TACR1: variants seen among roughly 807,000 people sequenced by gnomAD.
TACR1 encodes the protein substance-P receptor.
A neutral mutation model predicts 35.8 loss-of-function variants in TACR1; 25 were observed. That is an observed-to-expected ratio of 0.70 (90% CI 0.51 to 0.98). TACR1 has a LOEUF of 0.98. Among genes scored for constraint, TACR1 ranks in the 50% least tolerant of loss-of-function variants. The probability of loss-of-function intolerance (pLI) is 0.00; values close to 1 mark genes in which losing one functional copy is unlikely to be tolerated. For synonymous variants in TACR1, 195 were observed against 206.7 expected, an observed-to-expected ratio of 0.94 and a Z score of 0.48; for missense variants, 478 against 522.9, an observed-to-expected ratio of 0.91 and a Z score of 0.84.
chr2:75,126,601 G>A (rs1558561878), intron 1 of TACR1, among the ~76,000 whole-genome samples: 1 of 152,066 alleles, frequency 6.6e-6, no homozygotes, highest in South Asian at 2.1e-4. Context: ...TCATTACAAG[G>A]ACACCAAAAG....
intron 2 of TACR1, among the ~76,000 whole-genome samples, chr2:75,097,557 GA>G (rs2103865278): frequency 6.6e-6 from 1 of 152,232 alleles, no homozygotes; most frequent in African/African-American, 2.4e-5. Context: ...TAAAAGTAAT[GA>G]CAGTGACAGA....
intron 1 of TACR1, among the ~76,000 whole-genome samples, chr2:75,186,561 A>G (rs1278728783): frequency 6.6e-6 from 1 of 151,884 alleles, no homozygotes; most frequent in Non-Finnish European, 1.5e-5. Flanking sequence ...TAATTTAACT[A>G]TATTAAACTA....
At chr2:75,135,468 G>A (rs1212272611) in intron 1 of TACR1, among the ~76,000 whole-genome samples, 1 of 152,160 alleles carries the variant, frequency 6.6e-6, no homozygotes, top group Non-Finnish European at 1.5e-5. Context: ...GAAACCCAGG[G>A]TACCCAGGAC....
intron 1 of TACR1, among the ~76,000 whole-genome samples, chr2:75,151,229 T>A (rs919114269): frequency 6.6e-6 from 1 of 152,238 alleles, no homozygotes; most frequent in South Asian, 2.1e-4. Flanking sequence ...GGGAGCCTAA[T>A]GTTAATCCCC....
At chr2:75,146,162 G>A (rs762237647) in intron 1 of TACR1, among the ~76,000 whole-genome samples, 11 of 152,078 alleles carry the variant, frequency 7.2e-5, no homozygotes, top group African/African-American at 2.4e-4. Context: ...TCTCTCTGTC[G>A]CCCAGTCTGG....
intron 2 of TACR1, among the ~76,000 whole-genome samples, chr2:75,084,763 T>A (rs375105820): frequency 7.2e-5 from 11 of 152,222 alleles, no homozygotes; most frequent in Non-Finnish European, 1.5e-4. Context: ...TCTGTGGGAT[T>A]GGTGGTGATA....
intron 1 of TACR1, 127 bp downstream of exon 1, chr2:75,198,419 T>A: frequency 9.4e-7 from 1 of 1,066,040 alleles, no homozygotes; most frequent in South Asian, 1.7e-5. Flanking sequence ...ACTCAGTTGA[T>A]CAGTAAAAAA....
chr2:75,062,044 T>C (rs1172090142), intron 2 of TACR1, among the ~76,000 whole-genome samples: 1 of 152,152 alleles, frequency 6.6e-6, no homozygotes, highest in African/African-American at 2.4e-5. Flanking sequence ...AAATACTTCA[T>C]AGAAAAATAT....
chr2:75,128,228 G>T (rs1385605189), intron 1 of TACR1, among the ~76,000 whole-genome samples: 1 of 152,228 alleles, frequency 6.6e-6, no homozygotes, highest in East Asian at 1.9e-4. Flanking sequence ...TAAAAGACAA[G>T]CTTACAAAGG....
chr2:75,109,874 A>C (rs929949968), intron 2 of TACR1, among the ~76,000 whole-genome samples: 1 of 152,178 alleles, frequency 6.6e-6, no homozygotes, highest in African/African-American at 2.4e-5. Context: ...AGGGACACGG[A>C]AAGTACACAA....
chr2:75,050,942 T>G (rs916148044), intron 4 of TACR1: 5 of 393,348 alleles, frequency 1.3e-5, no homozygotes, highest in African/African-American at 1.0e-4. Flanking sequence ...CTGCCTTACA[T>G]GCATTAACCA....
chr2:75,047,498 A>G lies in TACR1; in HGVS notation c.*1934T>C, dbSNP rs2103772253. 6.6e-6 allele frequency: 1 copy of G among 152,350 alleles called. No homozygotes were observed. The highest frequency in any genetic ancestry group is 2.1e-4 in the South Asian group (1 of 4,832). The allele number at this position is 152,350 out of a possible 1,614,324, so 9.4% of individuals were successfully genotyped here. ...TCAACTCTAACCTTCTCTTCCATAG[A>G]TGGGGTGTCCCCAACTTCTTGACAC... On this transcript the variant is annotated 3_prime_UTR_variant, in exon 5 of 5. Transcript: ENST00000305249.
At chr2:75,157,673 G>C (rs1674896701) in intron 1 of TACR1, among the ~76,000 whole-genome samples, 1 of 152,080 alleles carries the variant, frequency 6.6e-6, no homozygotes, top group Non-Finnish European at 1.5e-5. Flanking sequence ...AGATGGAACT[G>C]TTCCTCTATA....
intron 2 of TACR1, among the ~76,000 whole-genome samples, chr2:75,079,569 C>T (rs1393309021): frequency 6.6e-6 from 1 of 152,100 alleles, no homozygotes; most frequent in East Asian, 1.9e-4. Flanking sequence ...CTCCAGGCAC[C>T]ATGGACAATT....
At chr2:75,143,531 G>A (rs1007044355) in intron 1 of TACR1, among the ~76,000 whole-genome samples, 4 of 152,198 alleles carry the variant, frequency 2.6e-5, no homozygotes, top group South Asian at 4.1e-4. Flanking sequence ...GAAATGTTCA[G>A]CATCTATTAG....
chr2:75,140,419 A>T (rs114606856), intron 1 of TACR1, among the ~76,000 whole-genome samples: 1 of 152,126 alleles, frequency 6.6e-6, no homozygotes, highest in Admixed American at 6.6e-5. Flanking sequence ...AAGTTTACAC[A>T]AGCAGATCAT....
intron 1 of TACR1, among the ~76,000 whole-genome samples, chr2:75,152,905 T>C (rs915996931): frequency 6.6e-6 from 1 of 152,128 alleles, no homozygotes; most frequent in Admixed American, 6.5e-5. Flanking sequence ...TTTTTGTTTG[T>C]TTGTTTGGTA....
chr2:75,135,317 T>C (rs2103936909), intron 1 of TACR1, among the ~76,000 whole-genome samples: 1 of 152,380 alleles, frequency 6.6e-6, no homozygotes, highest in African/African-American at 2.4e-5. Context: ...TGGGCAGTGA[T>C]GCTGAACAAG....
Position 75,199,103 on chromosome 2 carries a change from A to C in TACR1, c.-169T>G. 1 of 819,352 alleles carries C rather than the reference A, an allele frequency of 1.2e-6. No homozygotes were observed. Among genetic ancestry groups the C allele is most frequent in the Non-Finnish European group, 1.9e-6 (1 of 535,192 alleles). The allele number at this position is 819,352 out of a possible 1,614,324, so 50.8% of individuals were successfully genotyped here. ...AGCTGAACTGGCGCTCAGAATATAA[A>C]CGCTTCTGGATGCACTGCCCGCCTG... On this transcript the variant is annotated 5_prime_UTR_variant, in exon 1 of 5. Coordinates refer to ENST00000305249, the MANE Select transcript of TACR1 (RefSeq NM_001058.4).
Sources: gnomAD v4.1 joint callset for allele counts (sites outside exome capture counted in the v4.1 genomes callset) on GRCh38, gnomAD v4.1.1 for gene constraint, MANE v1.5 for transcripts, NCBI Gene and HGNC (gene_info 2026-07-23, HGNC 2026-07-21) for gene names.